HIPK1: variants seen among roughly 807,000 people sequenced by gnomAD.
The protein encoded by HIPK1 is homeodomain-interacting protein kinase 1.
Under a neutral mutation model 117.1 loss-of-function variants are expected in HIPK1, and 28 were observed. The observed-to-expected ratio is 0.24, with a 90% CI of 0.18 to 0.33. HIPK1 has a LOEUF of 0.33. Among genes scored for constraint, HIPK1 ranks in the 10% least tolerant of loss-of-function variants. The probability of loss-of-function intolerance (pLI) is 1.00; values close to 1 mark genes in which losing one functional copy is unlikely to be tolerated. For synonymous variants in HIPK1, 605 were observed against 562.5 expected (o/e 1.08, Z -1.07); for missense variants, 1,122 against 1,475.1 (o/e 0.76, Z 3.92).
At chr1:113,962,273 C>T in intron 8 of HIPK1, 44 bp from the exon 9 acceptor site, 1 of 1,601,778 alleles carries the variant, frequency 6.2e-7, no homozygotes. Context: ...AACAGTACTC[C>T]CAGACCTTGC....
intron 1 of HIPK1, among the ~76,000 whole-genome samples, chr1:113,930,186 C>T (rs999653884): frequency 2.0e-5 from 3 of 152,264 alleles, no homozygotes; most frequent in Non-Finnish European, 2.9e-5. Context: ...CTCCCCCTGC[C>T]TCCTGCCACT....
intron 1 of HIPK1, among the ~76,000 whole-genome samples, chr1:113,931,603 T>C (rs1036438432): frequency 6.6e-6 from 1 of 152,102 alleles, no homozygotes; most frequent in Non-Finnish European, 1.5e-5. Context: ...GTTGGTAACT[T>C]GAGACTTCAA....
At chr1:113,929,594 G>A (rs1041549548) in intron 1 of HIPK1, 62 bp downstream of exon 1, 4 of 1,225,928 alleles carry the variant, frequency 3.3e-6, no homozygotes, top group Admixed American at 4.7e-5. Flanking sequence ...CCGGGTTGAG[G>A]GACGGCCGCT....
At chr1:113,955,729 T>C in intron 5 of HIPK1, 80 bp downstream of exon 5, 3 of 705,946 alleles carry the variant, frequency 4.2e-6, no homozygotes, top group Non-Finnish European at 7.3e-6. Flanking sequence ...AAGACAAATT[T>C]AATGTTATCT....
At chr1:113,943,291 C>G (rs941659073) in intron 2 of HIPK1, among the ~76,000 whole-genome samples, 18 of 152,342 alleles carry the variant, frequency 1.2e-4, no homozygotes, top group African/African-American at 4.3e-4. Context: ...TCCCTATTCT[C>G]TCTTCTTCCT....
rs1558128578 is a variant in HIPK1, at chr1:113,941,240, C to T, written c.857C>T (p.Pro286Leu). 1 of 1,614,210 alleles carries T rather than the reference C, an allele frequency of 6.2e-7. No individual in the cohort carries two copies. The highest frequency in any genetic ancestry group is 8.5e-7 in the Non-Finnish European group (1 of 1,180,036). Residue 286 changes from proline (P) to leucine (L), a missense_variant, in exon 2 of 16, where the codon CCA (proline) becomes CTA (leucine). Transcript: ENST00000426820. The surrounding 1 kb of genome is among the most constrained non-coding windows in gnomAD (Gnocchi z 4.9). ...YDFLKQNKFSPLPLKYIRPIL... is the reference protein window; with the variant it reads ...YDFLKQNKFSLLPLKYIRPIL... ...TTTCTAAAGCAAAACAAATTTAGCC[C>T]ACTGCCACTCAAGTACATCAGACCA...
intron 5 of HIPK1, 126 bp from the exon 6 acceptor site, chr1:113,956,498 AAAG>A: frequency 1.9e-6 from 1 of 527,988 alleles, no homozygotes. Context: ...ATTTTCATAA[AAAG>A]AATTTCCCCA....
intron 2 of HIPK1, among the ~76,000 whole-genome samples, chr1:113,949,252 T>C (rs1412734962): frequency 6.6e-6 from 1 of 152,212 alleles, no homozygotes; most frequent in African/African-American, 2.4e-5. Context: ...AAAATCAATA[T>C]GCTGCCCTCC....
chr1:113,940,514 C>A lies in HIPK1; in HGVS notation c.131C>A (p.Thr44Asn). The A allele has an allele frequency of 6.2e-7, 1 of 1,614,152 alleles. No individual in the cohort carries two copies. Among genetic ancestry groups the A allele is most frequent in the Non-Finnish European group, 8.5e-7 (1 of 1,180,042 alleles). ...SGQSSNDKYY[T>N]HSKTLPATQG... ...CAGAGTAGCAACGACAAATATTATA[C>A]CCACAGCAAAACCCTCCCAGCCACA... The change falls in exon 2 of 16, where the codon ACC (threonine) becomes AAC (asparagine). Residue 44 changes from threonine (T) to asparagine (N), a missense_variant. Thr to Asn is a moderately conservative substitution (Grantham distance 65). This residue lies in a region of HIPK1 where 192 missense variants were observed against 234.0 expected (regional missense o/e 0.82). Coordinates refer to ENST00000426820, the MANE Select transcript of HIPK1 (RefSeq NM_198268.3).
At chr1:113,952,598 C>T (rs1467992586) in intron 2 of HIPK1, among the ~76,000 whole-genome samples, 168 bp from the exon 3 acceptor site, 1 of 152,152 alleles carries the variant, frequency 6.6e-6, no homozygotes, top group African/African-American at 2.4e-5. Flanking sequence ...AATTCCAAAA[C>T]ACATCTGGCC....
intron 1 of HIPK1, among the ~76,000 whole-genome samples, chr1:113,938,390 C>T (rs1670391910): frequency 6.6e-6 from 1 of 151,744 alleles, no homozygotes. Flanking sequence ...CAGGCTTGAG[C>T]GACCATGGCC....
At chr1:113,953,279 C>G (rs1671488017) in intron 3 of HIPK1, among the ~76,000 whole-genome samples, 1 of 152,148 alleles carries the variant, frequency 6.6e-6, no homozygotes, top group Non-Finnish European at 1.5e-5. Context: ...TTACGCATGA[C>G]ACACTGAAGT....
chr1:113,935,547 G>A (rs996701174), intron 1 of HIPK1, among the ~76,000 whole-genome samples: 1 of 152,218 alleles, frequency 6.6e-6, no homozygotes, highest in Non-Finnish European at 1.5e-5. Context: ...ACCCAGTGAT[G>A]GGATTGCTGG....
At position 113,974,512 on chromosome 1, in the gene HIPK1, T is replaced by G. The variant is rs1673040426; in HGVS notation, c.*1000T>G. 6.6e-6 allele frequency: 1 copy of G among 152,646 alleles called. No individual in the cohort carries two copies. Among genetic ancestry groups the G allele is most frequent in the South Asian group, 2.1e-4 (1 of 4,820 alleles). The allele number at this position is 152,646 out of a possible 1,614,324, so 9.5% of individuals were successfully genotyped here. On this transcript the variant is annotated 3_prime_UTR_variant, in exon 16 of 16. Transcript: ENST00000426820. ...GTAATACACCTCTGTTTTGCTCATC[T>G]CTCCCTTCTGTTTTATGTGATTTGT... is the stretch of plus-strand genomic sequence containing the variant.
rs1428474808 is a variant in HIPK1, at chr1:113,977,284, T to G, written c.*3772T>G. On this transcript the variant is annotated 3_prime_UTR_variant, in exon 16 of 16. Transcript: ENST00000426820. ...ATGGTGCAGCATGTCTACATGGTTG[T>G]TTGTTGCTAAACTTTATATAATGTG... 2.0e-5 allele frequency: 3 copies of G among 152,746 alleles called. No homozygotes were observed. Among genetic ancestry groups the G allele is most frequent in the East Asian group, 1.9e-4 (1 of 5,336 alleles). 9.5% of individuals were successfully genotyped at this position (152,746 alleles called of 1,614,324 possible).
chr1:113,967,409 T>G (rs766239669), intron 11 of HIPK1, among the ~76,000 whole-genome samples: 2 of 152,230 alleles, frequency 1.3e-5, no homozygotes, highest in Non-Finnish European at 2.9e-5. Flanking sequence ...CTTTTGGATA[T>G]AAGCCATTTT....
chr1:113,965,612 G>T (rs951426168), intron 10 of HIPK1, among the ~76,000 whole-genome samples: 1 of 152,066 alleles, frequency 6.6e-6, no homozygotes, highest in Non-Finnish European at 1.5e-5. Context: ...TTAGGCCTTT[G>T]GTCATCCACA....
intron 8 of HIPK1, among the ~76,000 whole-genome samples, chr1:113,961,786 A>G (rs1353284758): frequency 6.6e-6 from 1 of 151,894 alleles, no homozygotes; most frequent in Non-Finnish European, 1.5e-5. Flanking sequence ...TCTACTGAAA[A>G]TATAAAAATT....
chr1:113,936,074 A>G (rs1670227303), intron 1 of HIPK1, among the ~76,000 whole-genome samples: 1 of 152,222 alleles, frequency 6.6e-6, no homozygotes, highest in African/African-American at 2.4e-5. Context: ...TAGAATATAA[A>G]TAAGAGTCTG....
Sources: allele counts gnomAD v4.1 joint callset (sites outside exome capture counted in the v4.1 genomes callset), GRCh38; gene constraint gnomAD v4.1.1; regional missense constraint gnomAD v4.1.1; non-coding constraint Gnocchi (gnomAD v3.1); transcripts MANE v1.5; gene names NCBI Gene and HGNC (gene_info 2026-07-23, HGNC 2026-07-21).